PLEK2: variants seen among roughly 807,000 people sequenced by gnomAD.
The protein encoded by PLEK2 is pleckstrin 2.
A neutral mutation model predicts 43.8 loss-of-function variants in PLEK2; 29 were observed. The ratio of observed to expected loss-of-function variants is 0.66; its 90% CI spans 0.49 to 0.90. PLEK2 has a LOEUF of 0.90. Among genes scored for constraint, PLEK2 ranks in the 40% least tolerant of loss-of-function variants. The pLI is 0.00. For missense variants in PLEK2, 398 were observed against 448.1 expected, an observed-to-expected ratio of 0.89 and a Z score of 1.01; for synonymous variants, 162 against 173.2, an observed-to-expected ratio of 0.94 and a Z score of 0.51.
chr14:67,388,273 A>T lies in PLEK2; in HGVS notation c.885T>A (p.Ser295=). The T allele has an allele frequency of 6.2e-7, 1 of 1,613,428 alleles. No individual in the cohort carries two copies. Among genetic ancestry groups the T allele is most frequent in the Non-Finnish European group, 8.5e-7 (1 of 1,179,356 alleles). ...KEENRPVGGF[S]LRGSLVSALE... is the part of the protein sequence containing the mutation. ...GAGCAGACACGAGTGAACCACGAAG[A>T]GAAAACCCACCCACTGGCCTGTTCT... The change falls in exon 8 of 9, where the codon TCT becomes TCA. Residue 295 remains serine (S), a synonymous_variant. Transcript: ENST00000216446.
chr14:67,399,279 T>G (rs1343295555), intron 1 of PLEK2, among the ~76,000 whole-genome samples: 1 of 137,088 alleles, frequency 7.3e-6, no homozygotes, highest in African/African-American at 2.9e-5. Context: ...GTTTAGGTGG[T>G]TCTCAGGTGG....
intron 3 of PLEK2, 102 bp from the exon 4 acceptor site, chr14:67,393,343 G>A (rs564350725): frequency 1.6e-5 from 13 of 799,558 alleles, no homozygotes; most frequent in Admixed American, 1.2e-4. Context: ...AGTGGCAAAT[G>A]GTGTGACACA....
At chr14:67,391,657 C>T (rs556714147) in intron 6 of PLEK2, among the ~76,000 whole-genome samples, 4 of 152,274 alleles carry the variant, frequency 2.6e-5, no homozygotes, top group Admixed American at 6.5e-5. Flanking sequence ...TGCACAAACA[C>T]GAAGGCTGTG....
intron 7 of PLEK2, among the ~76,000 whole-genome samples, chr14:67,390,058 C>T (rs1193587144): frequency 6.6e-6 from 1 of 152,154 alleles, no homozygotes; most frequent in Non-Finnish European, 1.5e-5. Context: ...ATACATTGCC[C>T]AAGACAAGGC....
chr14:67,408,710 C>T (rs2086097884), intron 1 of PLEK2, among the ~76,000 whole-genome samples: 1 of 152,200 alleles, frequency 6.6e-6, no homozygotes, highest in African/African-American at 2.4e-5. Flanking sequence ...CTACAAGTTT[C>T]AGAGGCAGCA....
chr14:67,408,182 A>G (rs1468331112), intron 1 of PLEK2, among the ~76,000 whole-genome samples: 1 of 151,950 alleles, frequency 6.6e-6, no homozygotes, highest in Non-Finnish European at 1.5e-5. Context: ...GCTACTCAGG[A>G]GGCTGAGGCA....
At chr14:67,388,073 T>C (rs2085939650) in intron 8 of PLEK2, 151 bp downstream of exon 8, 1 of 591,402 alleles carries the variant, frequency 1.7e-6, no homozygotes, top group South Asian at 2.1e-5. Context: ...CTTTGTTCAA[T>C]TCTGAAATTC....
chr14:67,396,089 C>T (rs960793967), intron 2 of PLEK2, among the ~76,000 whole-genome samples: 3 of 152,172 alleles, frequency 2.0e-5, no homozygotes, highest in Admixed American at 2.0e-4. Flanking sequence ...ACACATTTCT[C>T]ATAGGATATA....
chr14:67,403,775 G>C (rs1373772124), intron 1 of PLEK2, among the ~76,000 whole-genome samples: 7 of 152,212 alleles, frequency 4.6e-5, no homozygotes, highest in Admixed American at 4.6e-4. Flanking sequence ...TATGAGGCTG[G>C]GTGCAGTGGC....
At chr14:67,406,613 G>C (rs76911716) in intron 1 of PLEK2, among the ~76,000 whole-genome samples, 5,517 of 152,250 alleles carry the variant, frequency 0.036, 176 homozygotes, top group African/African-American at 0.088. Flanking sequence ...TAAGCAGAAA[G>C]ACAGCAAGCT....
chr14:67,401,114 C>T (rs1484703041), intron 1 of PLEK2, among the ~76,000 whole-genome samples: 2 of 152,022 alleles, frequency 1.3e-5, no homozygotes, highest in Admixed American at 1.3e-4. Flanking sequence ...GGAGATACAT[C>T]CCCTTTAAAG....
chr14:67,389,419 G>A (rs1045120305), intron 7 of PLEK2, among the ~76,000 whole-genome samples: 1 of 152,106 alleles, frequency 6.6e-6, no homozygotes, highest in Non-Finnish European at 1.5e-5. Flanking sequence ...GGAGTAAAGT[G>A]CGGAACAAAT....
At chr14:67,402,341 G>A (rs1480795673) in intron 1 of PLEK2, among the ~76,000 whole-genome samples, 5 of 152,056 alleles carry the variant, frequency 3.3e-5, no homozygotes, top group Non-Finnish European at 5.9e-5. Context: ...GAGCTATTTT[G>A]ATACAGGCAT....
At chr14:67,399,650 C>T (rs928341581) in intron 1 of PLEK2, among the ~76,000 whole-genome samples, 1 of 146,444 alleles carries the variant, frequency 6.8e-6, no homozygotes, top group Non-Finnish European at 1.5e-5. Context: ...AGGTGGTTCT[C>T]AGGTGGCAGG....
intron 2 of PLEK2, among the ~76,000 whole-genome samples, chr14:67,396,130 GT>G (rs1219114436): frequency 2.0e-5 from 3 of 151,778 alleles, no homozygotes; most frequent in Admixed American, 6.6e-5. Flanking sequence ...AGGTCGCTTT[GT>G]TTTTTTGTTT....
At chr14:67,402,673 G>A (rs1437674805) in intron 1 of PLEK2, among the ~76,000 whole-genome samples, 1 of 152,158 alleles carries the variant, frequency 6.6e-6, no homozygotes, top group Admixed American at 6.5e-5. Context: ...GTGAGAACAT[G>A]TGACATTTGT....
chr14:67,400,718 T>C (rs1018599729), intron 1 of PLEK2, among the ~76,000 whole-genome samples: 3 of 151,964 alleles, frequency 2.0e-5, no homozygotes, highest in African/African-American at 7.2e-5. Flanking sequence ...CTGAGCTCGG[T>C]GGTTCACGCC....
chr14:67,390,119 T>C (rs2085955902), intron 7 of PLEK2, among the ~76,000 whole-genome samples: 1 of 152,238 alleles, frequency 6.6e-6, no homozygotes, highest in Non-Finnish European at 1.5e-5. Context: ...TGGAATTAGA[T>C]CCACTTAGCA....
At chr14:67,400,893 G>A (rs759932750) in intron 1 of PLEK2, among the ~76,000 whole-genome samples, 21 of 152,028 alleles carry the variant, frequency 1.4e-4, no homozygotes, top group Non-Finnish European at 2.9e-4. Flanking sequence ...GGGAGGCTGA[G>A]GAGGGACAAT....
Sources: allele counts gnomAD v4.1 joint callset (sites outside exome capture counted in the v4.1 genomes callset), GRCh38; gene constraint gnomAD v4.1.1; transcripts MANE v1.5; gene names NCBI Gene and HGNC (gene_info 2026-07-23, HGNC 2026-07-21).